Variants in ZC3H11A observed in about 807,000 individuals in gnomAD.
ZC3H11A encodes zinc finger CCCH-type containing 11A.
ZC3H11A carries 22 observed loss-of-function variants against 90.8 expected under a neutral mutation model. The ratio of observed to expected loss-of-function variants is 0.24; its 90% CI spans 0.17 to 0.35. The LOEUF (loss-of-function observed/expected upper bound fraction) is 0.35, where lower values mean the gene tolerates loss of function less well. Ranked by LOEUF, ZC3H11A falls within the 10% of genes least tolerant of loss-of-function variation. ZC3H11A has a pLI of 1.00. For synonymous variants in ZC3H11A, 294 were observed against 339.8 expected, an observed-to-expected ratio of 0.87 and a Z score of 1.48; for missense variants, 701 against 964.9, an observed-to-expected ratio of 0.73 and a Z score of 3.62.
intron 13 of ZC3H11A, 24 bp downstream of exon 13, chr1:203,847,711 G>A: frequency 1.2e-6 from 2 of 1,602,184 alleles, no homozygotes; most frequent in Non-Finnish European, 1.7e-6. Context: ...TTGGTCTCTA[G>A]TACCACGTCC....
At chr1:203,815,525 A>G (rs1236619504) in intron 2 of ZC3H11A, among the ~76,000 whole-genome samples, 1 of 151,812 alleles carries the variant, frequency 6.6e-6, no homozygotes, top group Non-Finnish European at 1.5e-5. Context: ...GGCCTATTTC[A>G]TTATTAAAAC....
intron 1 of ZC3H11A, chr1:203,798,076 C>A (rs1669230531): frequency 2.0e-6 from 3 of 1,536,062 alleles, no homozygotes; most frequent in Non-Finnish European, 2.6e-6. Flanking sequence ...CCTCATTGGA[C>A]CAGGGCCAAC....
At chr1:203,800,005 C>G (rs1382209685) in intron 1 of ZC3H11A, 2 of 1,536,006 alleles carry the variant, frequency 1.3e-6, no homozygotes, top group Admixed American at 2.0e-5. Flanking sequence ...GGAGCTGATT[C>G]ATTTACCTCA....
intron 5 of ZC3H11A, 141 bp downstream of exon 5, chr1:203,828,563 A>G (rs905518543): frequency 3.6e-6 from 4 of 1,097,470 alleles, no homozygotes; most frequent in Non-Finnish European, 5.2e-6. Flanking sequence ...AGTGAACTGA[A>G]TCTTATTAAG....
chr1:203,824,380 A>G (rs1358371202), intron 4 of ZC3H11A, among the ~76,000 whole-genome samples: 3 of 152,116 alleles, frequency 2.0e-5, no homozygotes, highest in African/African-American at 4.8e-5. Context: ...AACAGTGGCT[A>G]TGGGAAGGTG....
intron 15 of ZC3H11A, 48 bp from the exon 16 acceptor site, chr1:203,850,466 TA>T (rs1264930998): frequency 1.0e-5 from 16 of 1,603,328 alleles, no homozygotes; most frequent in African/African-American, 2.7e-5. Context: ...ATTCCCCATT[TA>T]AAAGAGTCTA....
intron 12 of ZC3H11A, among the ~76,000 whole-genome samples, chr1:203,844,362 G>A (rs1305180849): frequency 1.3e-4 from 19 of 151,478 alleles, no homozygotes; most frequent in Admixed American, 9.2e-4. Context: ...GTTTCACCCT[G>A]TTGGCCAGGC....
intron 1 of ZC3H11A, chr1:203,798,961 T>TA: frequency 6.5e-7 from 1 of 1,536,150 alleles, no homozygotes; most frequent in Non-Finnish European, 8.7e-7. Context: ...AGCCAAAAGA[T>TA]ACACCTGACT....
intron 9 of ZC3H11A, 33 bp downstream of exon 9, chr1:203,831,804 C>A: frequency 6.5e-7 from 1 of 1,536,672 alleles, no homozygotes; most frequent in Non-Finnish European, 8.9e-7. Flanking sequence ...AGTTGTCAAG[C>A]CTCTACTTTT....
intron 4 of ZC3H11A, among the ~76,000 whole-genome samples, chr1:203,821,670 C>T (rs941180058): frequency 2.0e-5 from 3 of 152,006 alleles, no homozygotes; most frequent in East Asian, 3.9e-4. Flanking sequence ...CCTAGAGTGT[C>T]ATCACTTTCA....
chr1:203,805,946 T>A (rs1479697327), intron 2 of ZC3H11A: 2 of 635,214 alleles, frequency 3.1e-6, no homozygotes, highest in Non-Finnish European at 6.0e-6. Flanking sequence ...CCCAGTTTCA[T>A]AGCATCAACC....
At chr1:203,810,585 A>G (rs924923882) in intron 2 of ZC3H11A, among the ~76,000 whole-genome samples, 1 of 151,850 alleles carries the variant, frequency 6.6e-6, no homozygotes, top group Non-Finnish European at 1.5e-5. Context: ...ACGCCCAGCT[A>G]ATTTTTTGTA....
intron 2 of ZC3H11A, among the ~76,000 whole-genome samples, chr1:203,807,921 G>C (rs6593960): frequency 6.6e-6 from 1 of 151,960 alleles, no homozygotes; most frequent in Non-Finnish European, 1.5e-5. Context: ...TTTTAATTTA[G>C]TGTAGAAACT....
chr1:203,840,111 G>A (rs1444575942), intron 11 of ZC3H11A, among the ~76,000 whole-genome samples, 195 bp from the exon 12 acceptor site: 3 of 151,738 alleles, frequency 2.0e-5, no homozygotes, highest in African/African-American at 7.3e-5. Context: ...GCTAATTTTT[G>A]CAATTTTAGT....
chr1:203,830,299 T>G, intron 8 of ZC3H11A, 96 bp downstream of exon 8: 1 of 949,336 alleles, frequency 1.1e-6, no homozygotes, highest in Admixed American at 2.5e-5. Flanking sequence ...GCAAATAGAT[T>G]TTCATTTCCA....
At chr1:203,836,318 G>A (rs970752367) in intron 10 of ZC3H11A, among the ~76,000 whole-genome samples, 3 of 152,186 alleles carry the variant, frequency 2.0e-5, no homozygotes, top group African/African-American at 7.2e-5. Context: ...TTATAAATGA[G>A]GGGAGAGAAA....
At chr1:203,806,803 G>A (rs937696922) in intron 2 of ZC3H11A, among the ~76,000 whole-genome samples, 3 of 130,090 alleles carry the variant, frequency 2.3e-5, no homozygotes, top group Admixed American at 2.3e-4. Context: ...CCAAGTTTTT[G>A]TTGAGTGGAT....
intron 4 of ZC3H11A, among the ~76,000 whole-genome samples, chr1:203,822,547 G>A (rs1396862644): frequency 6.6e-6 from 1 of 152,004 alleles, no homozygotes; most frequent in East Asian, 1.9e-4. Flanking sequence ...CTCCAACTCT[G>A]TACCAGGTTC....
rs1391012998 is a variant in ZC3H11A, at chr1:203,822,238, T to C, written c.174+3549T>C. Reference sequence around the variant, plus strand: ...ACTTTTATTTATTTGATCAGTCTACTAGTATAAAAACCAATATTGTGTCAC... The same window carrying C: ...ACTTTTATTTATTTGATCAGTCTACCAGTATAAAAACCAATATTGTGTCAC... On this transcript the variant is annotated intron_variant, in intron 4 of 17. Transcript: ENST00000367210. Among the ~76,000 whole-genome samples, 7 of 152,152 alleles carry C rather than the reference T, an allele frequency of 4.6e-5. No individual in the cohort carries two copies. The East Asian group carries it at 1.2e-3, about 25-fold the overall frequency.
Sources: allele counts gnomAD v4.1 joint callset (sites outside exome capture counted in the v4.1 genomes callset), GRCh38; gene constraint gnomAD v4.1.1; transcripts MANE v1.5; gene names NCBI Gene and HGNC (gene_info 2026-07-23, HGNC 2026-07-21).